TMEFF1: variants seen among roughly 807,000 people sequenced by gnomAD.
The protein encoded by TMEFF1 is tomoregulin-1.
In TMEFF1, 20 loss-of-function variants were observed where a neutral mutation model predicts 47.5. The observed-to-expected ratio is 0.42, with a 90% CI of 0.30 to 0.61. TMEFF1 has a LOEUF of 0.61. Ranked by LOEUF, TMEFF1 falls within the 20% of genes least tolerant of loss-of-function variation. The pLI, the probability that TMEFF1 is intolerant of heterozygous loss-of-function variation, is 0.19. For missense variants in TMEFF1, 411 were observed against 471.1 expected (o/e 0.87, Z 1.18); for synonymous variants, 162 against 166.3 (o/e 0.97, Z 0.20).
At chr9:100,555,715 G>A (rs945851677) in intron 7 of TMEFF1, among the ~76,000 whole-genome samples, 1 of 152,044 alleles carries the variant, frequency 6.6e-6, no homozygotes, top group African/African-American at 2.4e-5. Flanking sequence ...GAGTAACCTG[G>A]CTGTGCTCAA....
At chr9:100,561,619 G>A (rs752408582) in intron 8 of TMEFF1, 99 bp downstream of exon 8, 45 of 1,366,924 alleles carry the variant, frequency 3.3e-5, no homozygotes, top group Non-Finnish European at 4.1e-5. Flanking sequence ...TTACCAGAAA[G>A]TAGTGTTTAT....
chr9:100,493,744 C>T (rs1321589155), intron 1 of TMEFF1, among the ~76,000 whole-genome samples: 1 of 152,130 alleles, frequency 6.6e-6, no homozygotes, highest in Non-Finnish European at 1.5e-5. Context: ...GGGTAATCAT[C>T]ATAATCATTG....
At chr9:100,485,566 G>A (rs183768417) in intron 1 of TMEFF1, among the ~76,000 whole-genome samples, 429 of 152,000 alleles carry the variant, frequency 2.8e-3, no homozygotes, top group Non-Finnish European at 4.6e-3. Flanking sequence ...GTTCCTATTT[G>A]TTATCCTTCA....
intron 1 of TMEFF1, among the ~76,000 whole-genome samples, chr9:100,480,716 T>C (rs762759084): frequency 6.6e-6 from 1 of 152,218 alleles, no homozygotes; most frequent in Non-Finnish European, 1.5e-5. Context: ...AAGGTCTTGG[T>C]GCTACATTGG....
intron 8 of TMEFF1, among the ~76,000 whole-genome samples, chr9:100,569,874 T>A (rs944932790): frequency 6.6e-6 from 1 of 152,198 alleles, no homozygotes; most frequent in Non-Finnish European, 1.5e-5. Flanking sequence ...GTACACTACA[T>A]TTCTTGAACC....
In TMEFF1 at chr9:100,497,064, C is replaced by T. The variant is rs143053777; in HGVS notation, c.197-1701C>T. ...ATTGGAACCAGACCTTGTCCAAGTT[C>T]CTAGCAGAAGTGTGGGTAGATAGGG... On this transcript the variant is annotated intron_variant, in intron 1 of 9. Transcript: ENST00000374879. Among the ~76,000 whole-genome samples, 378 of 152,190 alleles carry T rather than the reference C, an allele frequency of 2.5e-3. 2 individuals carry two copies. The highest frequency in any genetic ancestry group is 0.018 in the South Asian group (87 of 4,824).
At position 100,473,759 on chromosome 9, in the gene TMEFF1, G is replaced by C. The variant is rs1327771491; in HGVS notation, c.196+19G>C. On this transcript the variant is annotated intron_variant, in intron 1 of 9. Coordinates refer to ENST00000374879, the MANE Select transcript of TMEFF1 (RefSeq NM_003692.5). The surrounding 1 kb of genome is among the most constrained non-coding windows in gnomAD (Gnocchi z 5.4). ...TGCTCAGGTAGGACCGGTCGGAGCC[G>C]GCCCTAGGTCTTCCCACCCCTCCGT... is the stretch of plus-strand genomic sequence containing the variant. 4 of 1,480,966 alleles carry C rather than the reference G, an allele frequency of 2.7e-6. No homozygotes were observed. Among genetic ancestry groups the C allele is most frequent in the African/African-American group, 2.9e-5 (2 of 69,342 alleles). 91.7% of individuals were successfully genotyped at this position (1,480,966 alleles called of 1,614,324 possible).
At chr9:100,498,570 G>C (rs1052941398) in intron 1 of TMEFF1, among the ~76,000 whole-genome samples, 195 bp from the exon 2 acceptor site, 2 of 152,000 alleles carry the variant, frequency 1.3e-5, no homozygotes, top group Non-Finnish European at 2.9e-5. Flanking sequence ...TACTATGCAG[G>C]ATTCTGTTTG....
chr9:100,564,561 A>G (rs1839086353), intron 8 of TMEFF1, among the ~76,000 whole-genome samples: 1 of 152,224 alleles, frequency 6.6e-6, no homozygotes, highest in African/African-American at 2.4e-5. Flanking sequence ...ACACAGCTAT[A>G]CATGAGGCGA....
Position 100,576,615 on chromosome 9 carries a change from T to A in TMEFF1, c.*15T>A. The A allele has an allele frequency of 6.2e-7, 1 of 1,602,208 alleles. No homozygotes were observed. The highest frequency in any genetic ancestry group is 8.5e-7 in the Non-Finnish European group (1 of 1,176,636). On this transcript the variant is annotated 3_prime_UTR_variant, in exon 10 of 10. Transcript: ENST00000374879. ...GAATGGTTTAAACTGATGACTTTTA[T>A]ATGTACACTGACCATGTGATGTACA...
intron 8 of TMEFF1, 141 bp downstream of exon 8, chr9:100,561,661 G>A (rs554889083): frequency 5.9e-5 from 75 of 1,273,868 alleles, no homozygotes; most frequent in Middle Eastern, 2.3e-4. Context: ...CAAATCAGCA[G>A]CATCATTTGG....
intron 1 of TMEFF1, 58 bp from the exon 2 acceptor site, chr9:100,498,707 A>G (rs184764246): frequency 4.6e-6 from 7 of 1,524,266 alleles, no homozygotes; most frequent in East Asian, 2.3e-5. Flanking sequence ...ACGCGCACAG[A>G]CACACACACG....
chr9:100,509,189 A>G, intron 3 of TMEFF1, 55 bp downstream of exon 3: 2 of 1,423,222 alleles, frequency 1.4e-6, no homozygotes, highest in Non-Finnish European at 1.8e-6. Flanking sequence ...AATCATTTCT[A>G]AAAGGGGGTT....
intron 1 of TMEFF1, among the ~76,000 whole-genome samples, chr9:100,490,838 TG>T (rs1196277603): frequency 9.5e-6 from 1 of 104,856 alleles, no homozygotes; most frequent in African/African-American, 3.7e-5. Context: ...ATATGTATGG[TG>T]TGTGTGTGTG....
intron 7 of TMEFF1, among the ~76,000 whole-genome samples, chr9:100,551,029 G>A (rs745611113): frequency 2.6e-5 from 4 of 152,246 alleles, no homozygotes; most frequent in Non-Finnish European, 5.9e-5. Context: ...GATCAATGAG[G>A]TTGTATCTGG....
chr9:100,477,969 A>G (rs995516724), intron 1 of TMEFF1, among the ~76,000 whole-genome samples: 2 of 152,042 alleles, frequency 1.3e-5, no homozygotes, highest in Non-Finnish European at 1.5e-5. Context: ...GTTTATTTCT[A>G]TTTATTTGAT....
chr9:100,567,308 T>C (rs1334015939), intron 8 of TMEFF1, among the ~76,000 whole-genome samples: 1 of 152,182 alleles, frequency 6.6e-6, no homozygotes, highest in East Asian at 1.9e-4. Context: ...TTCAAGTCTT[T>C]ACTCACGTGT....
chr9:100,569,631 T>C (rs1418765868), intron 8 of TMEFF1, among the ~76,000 whole-genome samples: 1 of 152,114 alleles, frequency 6.6e-6, no homozygotes, highest in African/African-American at 2.4e-5. Flanking sequence ...GTCACAAAGA[T>C]TTACTCCTAT....
At chr9:100,531,053 C>G (rs1056639971) in intron 5 of TMEFF1, among the ~76,000 whole-genome samples, 2 of 151,732 alleles carry the variant, frequency 1.3e-5, no homozygotes, top group Non-Finnish European at 2.9e-5. Context: ...ATGCTAAAAA[C>G]TCTCAATAAA....
Sources: allele counts gnomAD v4.1 joint callset (sites outside exome capture counted in the v4.1 genomes callset), GRCh38; gene constraint gnomAD v4.1.1; non-coding constraint Gnocchi (gnomAD v3.1); transcripts MANE v1.5; gene names NCBI Gene and HGNC (gene_info 2026-07-23, HGNC 2026-07-21).